The following LRBA variants were observed in gnomAD, a reference collection of about 807,000 sequenced individuals.
LRBA encodes LPS responsive beige-like anchor protein.
Under a neutral mutation model 330.0 loss-of-function variants are expected in LRBA, and 176 were observed. The ratio of observed to expected loss-of-function variants is 0.53; its 90% CI spans 0.47 to 0.60. The LOEUF (loss-of-function observed/expected upper bound fraction) is 0.60. Among genes scored for constraint, LRBA ranks in the 20% least tolerant of loss-of-function variants. The pLI, the probability that LRBA is intolerant of heterozygous loss-of-function variation, is 0.00. For synonymous variants in LRBA, 1,230 were observed against 1,193.0 expected (o/e 1.03, Z -0.64); for missense variants, 3,259 against 3,444.8 (o/e 0.95, Z 1.35).
chr4:150,306,153 C>T (rs1730326599), intron 52 of LRBA, among the ~76,000 whole-genome samples: 2 of 152,116 alleles, frequency 1.3e-5, no homozygotes, highest in Admixed American at 1.3e-4. Context: ...TTCCGACTGC[C>T]AGGGGAAGGT....
chr4:150,497,574 T>C (rs1295858267), intron 40 of LRBA, among the ~76,000 whole-genome samples: 3 of 152,192 alleles, frequency 2.0e-5, no homozygotes, highest in Admixed American at 1.3e-4. Flanking sequence ...TTTCAAGTAC[T>C]ATGATGTAGT....
At chr4:150,412,699 G>T (rs991725599) in intron 47 of LRBA, among the ~76,000 whole-genome samples, 1 of 151,712 alleles carries the variant, frequency 6.6e-6, no homozygotes, top group Non-Finnish European at 1.5e-5. Flanking sequence ...ACTAACTATG[G>T]TAATGATTAA....
intron 34 of LRBA, among the ~76,000 whole-genome samples, chr4:150,793,395 T>C (rs1283180604): frequency 6.6e-6 from 1 of 152,188 alleles, no homozygotes; most frequent in Non-Finnish European, 1.5e-5. Flanking sequence ...TTGGTAATGA[T>C]AAAATTAGTT....
intron 2 of LRBA, among the ~76,000 whole-genome samples, chr4:150,994,748 C>A (rs1254361257): frequency 2.0e-5 from 3 of 152,146 alleles, no homozygotes; most frequent in Non-Finnish European, 4.4e-5. Flanking sequence ...AAATCAGATC[C>A]ATTTCTGGCA....
chr4:150,470,844 C>CAT (rs1254642944), intron 43 of LRBA, among the ~76,000 whole-genome samples: 13 of 107,660 alleles, frequency 1.2e-4, no homozygotes, highest in Admixed American at 3.9e-4. Context: ...CATTACTACA[C>CAT]ACACACACAC....
intron 34 of LRBA, among the ~76,000 whole-genome samples, chr4:150,794,759 AC>A (rs1489972575): frequency 1.3e-5 from 2 of 152,184 alleles, no homozygotes; most frequent in African/African-American, 4.8e-5. Context: ...AATTACTCAG[AC>A]AGGATGCCAG....
intron 40 of LRBA, among the ~76,000 whole-genome samples, chr4:150,559,896 T>A (rs71635782): frequency 1.2e-4 from 3 of 25,722 alleles, no homozygotes; most frequent in African/African-American, 2.8e-4. Context: ...TATATATAAT[T>A]ATATATAATT....
At chr4:150,674,189 G>GTT (rs34337397) in intron 37 of LRBA, among the ~76,000 whole-genome samples, 10 of 146,930 alleles carry the variant, frequency 6.8e-5, no homozygotes, top group Non-Finnish European at 1.4e-4. Context: ...TGGTTTTGGG[G>GTT]TTTTTTTTTT....
At chr4:150,622,442 G>C (rs528627154) in intron 37 of LRBA, among the ~76,000 whole-genome samples, 1 of 152,254 alleles carries the variant, frequency 6.6e-6, no homozygotes, top group East Asian at 1.9e-4. Context: ...AGAGGCTAAA[G>C]CAGGAGGATC....
At chr4:150,684,345 C>G (rs1386635584) in intron 36 of LRBA, among the ~76,000 whole-genome samples, 3 of 152,102 alleles carry the variant, frequency 2.0e-5, no homozygotes, top group Non-Finnish European at 2.9e-5. Context: ...ACCTTTAGAA[C>G]ATGAAACTGT....
intron 40 of LRBA, among the ~76,000 whole-genome samples, chr4:150,548,441 T>C (rs1201233082): frequency 6.6e-6 from 1 of 152,154 alleles, no homozygotes; most frequent in Non-Finnish European, 1.5e-5. Flanking sequence ...AGAATGTATC[T>C]ACCAACTCTA....
intron 53 of LRBA, among the ~76,000 whole-genome samples, chr4:150,287,986 C>G (rs1489066136): frequency 6.7e-6 from 1 of 149,364 alleles, no homozygotes; most frequent in East Asian, 2.0e-4. Flanking sequence ...TGTTAGGATC[C>G]ACAAATTTTT....
chr4:150,297,450 C>T (rs1729116092), intron 53 of LRBA, among the ~76,000 whole-genome samples: 1 of 152,194 alleles, frequency 6.6e-6, no homozygotes, highest in African/African-American at 2.4e-5. Flanking sequence ...TGAACTTGAA[C>T]ACTGCCAACA....
intron 37 of LRBA, among the ~76,000 whole-genome samples, chr4:150,674,311 G>A (rs1782337190): frequency 6.6e-6 from 1 of 151,178 alleles, no homozygotes; most frequent in Non-Finnish European, 1.5e-5. Flanking sequence ...GAATGATCCT[G>A]ACCCAAGTAT....
chr4:150,411,000 C>T (rs1483491947), intron 47 of LRBA, among the ~76,000 whole-genome samples: 1 of 151,998 alleles, frequency 6.6e-6, no homozygotes, highest in East Asian at 1.9e-4. Flanking sequence ...GTATGAAAGC[C>T]TTTTTCTCAT....
intron 37 of LRBA, among the ~76,000 whole-genome samples, chr4:150,620,309 A>C (rs1458845790): frequency 6.6e-6 from 1 of 152,182 alleles, no homozygotes; most frequent in Non-Finnish European, 1.5e-5. Context: ...AAAACAGTAG[A>C]TGTTGGCATG....
intron 28 of LRBA, among the ~76,000 whole-genome samples, chr4:150,834,182 T>C (rs536037251): frequency 2.4e-4 from 37 of 152,272 alleles, no homozygotes; most frequent in South Asian, 8.3e-4. Context: ...TCTTCCAAAC[T>C]CCTATTAACA....
At chr4:150,790,836 A>C (rs1395754730) in intron 34 of LRBA, among the ~76,000 whole-genome samples, 8 of 152,222 alleles carry the variant, frequency 5.3e-5, no homozygotes, top group Admixed American at 5.2e-4. Flanking sequence ...TTTGTATATT[A>C]TAAGAACAAA....
chr4:150,559,754 A>G (rs1316611475), intron 40 of LRBA, among the ~76,000 whole-genome samples: 2 of 87,562 alleles, frequency 2.3e-5, no homozygotes, highest in South Asian at 2.6e-4. Flanking sequence ...TAATATATAT[A>G]ACATTATAGA....
Sources: gnomAD v4.1 joint callset for allele counts (sites outside exome capture counted in the v4.1 genomes callset) on GRCh38, gnomAD v4.1.1 for gene constraint, MANE v1.5 for transcripts, NCBI Gene and HGNC (gene_info 2026-07-23, HGNC 2026-07-21) for gene names.